The following LRP1B variants were observed in gnomAD, a reference collection of about 807,000 sequenced individuals.
LRP1B encodes low-density lipoprotein receptor-related protein 1B.
In LRP1B, 217 loss-of-function variants were observed where a neutral mutation model predicts 556.6. The ratio of observed to expected loss-of-function variants is 0.39; its 90% confidence interval spans 0.35 to 0.44. The LOEUF (loss-of-function observed/expected upper bound fraction) is 0.44, where lower values mean the gene tolerates loss of function less well. Among genes scored for constraint, LRP1B ranks in the 20% least tolerant of loss-of-function variants. The probability of loss-of-function intolerance (pLI) is 1.00; values close to 1 mark genes in which losing one functional copy is unlikely to be tolerated. For missense variants in LRP1B, 5,053 were observed against 5,620.8 expected (o/e 0.90, Z 3.23); for synonymous variants, 2,047 against 1,865.8 (o/e 1.10, Z -2.50).
At chr2:140,304,078 G>A (rs1272017334) in intron 83 of LRP1B, among the ~76,000 whole-genome samples, 1 of 152,118 alleles carries the variant, frequency 6.6e-6, no homozygotes, top group African/African-American at 2.4e-5. Flanking sequence ...ATTTGCGTTG[G>A]TTCCAAGTCT....
At chr2:140,350,459 T>C (rs1681906576) in intron 77 of LRP1B, among the ~76,000 whole-genome samples, 2 of 152,064 alleles carry the variant, frequency 1.3e-5, no homozygotes, top group Admixed American at 1.3e-4. Context: ...AATAAAGTGA[T>C]GTTTCCCAAT....
chr2:141,458,949 G>A lies in LRP1B; in HGVS notation c.343+21447C>T, dbSNP rs572947620. Among the ~76,000 whole-genome samples the A allele has an allele frequency of 2.0e-5, 3 of 152,238 alleles. No homozygotes were observed. The South Asian group carries it at 6.2e-4, about 32-fold the overall frequency. The stretch of plus-strand genomic sequence containing the variant: ...TTTATGCACAGTAATATGTAGAAAG[G>A]AAATTGGCCTCATGCTATAGTTAGT... On this transcript the variant is annotated intron_variant, in intron 3 of 90. Transcript: ENST00000389484.
chr2:140,926,451 C>G (rs1204101833), intron 20 of LRP1B, among the ~76,000 whole-genome samples: 1 of 152,028 alleles, frequency 6.6e-6, no homozygotes, highest in Non-Finnish European at 1.5e-5. Flanking sequence ...ATACAGTTCT[C>G]CCACCTCAGC....
rs1043422889 is a variant in LRP1B at position 141,112,029 on chromosome 2, G to C, written c.1014-49756C>G. Among the ~76,000 whole-genome samples the C allele has an allele frequency of 1.2e-4, 18 of 150,112 alleles. No homozygotes were observed. The East Asian group carries it at 3.4e-3, about 28-fold the overall frequency. Reference sequence around the variant, plus strand: ...CCACTGCACTCCAGCCTGGGCAACAGAGTGAGACCCTGCCTCAAAAATAAA... The same window carrying C: ...CCACTGCACTCCAGCCTGGGCAACACAGTGAGACCCTGCCTCAAAAATAAA... On this transcript the variant is annotated intron_variant, in intron 7 of 90. Transcript: ENST00000389484.
chr2:140,657,797 A>T (rs1684946335), intron 41 of LRP1B, among the ~76,000 whole-genome samples: 1 of 151,852 alleles, frequency 6.6e-6, no homozygotes, highest in Non-Finnish European at 1.5e-5. Context: ...AAGAGCCTTT[A>T]TCTCTTACCA....
At chr2:140,929,034 C>T (rs537031016) in intron 20 of LRP1B, among the ~76,000 whole-genome samples, 3 of 151,974 alleles carry the variant, frequency 2.0e-5, no homozygotes, top group East Asian at 1.9e-4. Context: ...AGAGAAGTGA[C>T]GGTGATATAA....
intron 2 of LRP1B, among the ~76,000 whole-genome samples, chr2:141,780,720 G>A (rs750918806): frequency 1.7e-4 from 26 of 152,118 alleles, no homozygotes; most frequent in Admixed American, 3.9e-4. Flanking sequence ...TAATGCAATT[G>A]TTTTATCATT....
In LRP1B at chr2:141,568,143, A is replaced by T. The variant is rs561866681; in HGVS notation, c.206-87610T>A. On this transcript the variant is annotated intron_variant, in intron 2 of 90. Transcript: ENST00000389484. ...TATTATATGTAGAAACAAAAACATA[A>T]CTAACCAAGGAAAGAAGCTTGGACA... Among the ~76,000 whole-genome samples, 3 of 151,314 alleles carry T rather than the reference A, an allele frequency of 2.0e-5. No individual in the cohort carries two copies. The South Asian group carries it at 6.3e-4, about 32-fold the overall frequency.
chr2:141,810,152 AGAAAGAAAGAAAGAAG>A (rs1364313101), intron 2 of LRP1B, 111 bp downstream of exon 2: 24,313 of 471,744 alleles, frequency 0.052, 1,679 homozygotes, highest in African/African-American at 0.14. Context: ...AAAGAAAGAA[AGAAAGAAAGAAAGAAG>A]GAAAGAAAGA....
At chr2:142,081,462 A>G (rs1705712759) in intron 1 of LRP1B, among the ~76,000 whole-genome samples, 1 of 152,150 alleles carries the variant, frequency 6.6e-6, no homozygotes, top group Admixed American at 6.5e-5. Flanking sequence ...TCAATCATAT[A>G]TACACATTAA....
intron 89 of LRP1B, 85 bp from the exon 90 acceptor site, chr2:140,234,969 A>C: frequency 1.6e-6 from 1 of 639,462 alleles, no homozygotes; most frequent in Non-Finnish European, 2.9e-6. Flanking sequence ...ATTCATAAAA[A>C]TAACATAAAA....
intron 2 of LRP1B, among the ~76,000 whole-genome samples, chr2:141,788,873 A>AT (rs1220955374): frequency 1.3e-5 from 2 of 151,894 alleles, no homozygotes; most frequent in Non-Finnish European, 1.5e-5. Context: ...TGAACTTATC[A>AT]TTTTTTATGG....
At position 141,166,927 on chromosome 2, in the gene LRP1B, T is replaced by C. The variant is rs189540135; in HGVS notation, c.1013+21494A>G. On this transcript the variant is annotated intron_variant, in intron 7 of 90. Transcript: ENST00000389484. ...CATTTTTTCTAACAGTGCAGAGTATTAGCAAATTCAATTATAACATAATAT... is the reference window on the plus strand; with the variant it reads ...CATTTTTTCTAACAGTGCAGAGTATCAGCAAATTCAATTATAACATAATAT... Among the ~76,000 whole-genome samples the C allele has an allele frequency of 1.2e-4, 19 of 152,092 alleles. 1 individual carries two copies. The East Asian group carries it at 3.3e-3, about 26-fold the overall frequency.
intron 86 of LRP1B, among the ~76,000 whole-genome samples, chr2:140,257,974 C>G (rs1681769349): frequency 6.6e-6 from 1 of 152,158 alleles, no homozygotes; most frequent in South Asian, 2.1e-4. Context: ...GTGCAGCCAG[C>G]CTCCTTTCTA....
intron 18 of LRP1B, among the ~76,000 whole-genome samples, chr2:140,965,515 T>TATAAATAGTACATAAA (rs1696180579): frequency 6.6e-6 from 1 of 151,126 alleles, no homozygotes; most frequent in Non-Finnish European, 1.5e-5. Context: ...AAATAATAGT[T>TATAAATAGTACATAAA]ATATAAAATT....
intron 35 of LRP1B, among the ~76,000 whole-genome samples, chr2:140,768,838 T>C (rs1308452887): frequency 6.6e-6 from 1 of 151,948 alleles, no homozygotes; most frequent in African/African-American, 2.4e-5. Flanking sequence ...ACATCCTGAA[T>C]ATATTTTAAA....
chr2:142,045,679 CTTTG>C (rs753284779), intron 1 of LRP1B, among the ~76,000 whole-genome samples: 3 of 151,818 alleles, frequency 2.0e-5, no homozygotes, highest in Non-Finnish European at 4.4e-5. Context: ...GTAATACATA[CTTTG>C]TTTGCTATAC....
intron 5 of LRP1B, among the ~76,000 whole-genome samples, chr2:141,231,206 A>T (rs184056228): frequency 6.6e-6 from 1 of 152,382 alleles, no homozygotes; most frequent in East Asian, 1.9e-4. Flanking sequence ...AACTAATGGA[A>T]GTAACTAAGT....
intron 1 of LRP1B, among the ~76,000 whole-genome samples, chr2:141,936,801 T>C (rs1158926086): frequency 6.6e-6 from 1 of 152,196 alleles, no homozygotes; most frequent in Non-Finnish European, 1.5e-5. Flanking sequence ...TGTTCAGTGT[T>C]ATTCAAGGAA....
Sources: gnomAD v4.1 joint callset for allele counts (sites outside exome capture counted in the v4.1 genomes callset) on GRCh38, gnomAD v4.1.1 for gene constraint, MANE v1.5 for transcripts, NCBI Gene and HGNC (gene_info 2026-07-23, HGNC 2026-07-21) for gene names.